The following CTNNA2 variants were observed in gnomAD, a reference collection of about 807,000 sequenced individuals.
The protein encoded by CTNNA2 is catenin alpha 2.
CTNNA2 carries 42 observed loss-of-function variants against 101.0 expected under a neutral mutation model. The observed-to-expected ratio is 0.42, with a 90% CI of 0.32 to 0.54. CTNNA2 has a LOEUF of 0.54. Among genes scored for constraint, CTNNA2 ranks in the 20% least tolerant of loss-of-function variants. The pLI, the probability that CTNNA2 is intolerant of heterozygous loss-of-function variation, is 0.14. For missense variants in CTNNA2, 871 were observed against 1,223.1 expected (o/e 0.71, Z 4.29); for synonymous variants, 450 against 456.4 (o/e 0.99, Z 0.18).
chr2:79,726,690 C>T (rs1686865097), intron 2 of CTNNA2, among the ~76,000 whole-genome samples: 1 of 152,134 alleles, frequency 6.6e-6, no homozygotes, highest in African/African-American at 2.4e-5. Flanking sequence ...ATAATGTACA[C>T]TTTACAGATC....
At position 79,383,026 on chromosome 2, in the gene CTNNA2, C is replaced by T. The variant is rs973722799; in HGVS notation, c.-135+9013C>T. On this transcript the variant is annotated intron_variant, in intron 4 of 21. Transcript: ENST00000466387. ...AGAAGAATAACACATTGAGAGGTTG[C>T]GCTCAACTTCCTAACTGTAATAAGT... Among the ~76,000 whole-genome samples, 8 of 152,286 alleles carry T rather than the reference C, an allele frequency of 5.3e-5. 1 individual carries two copies. Among genetic ancestry groups the T allele is most frequent in the Middle Eastern group, 6.8e-3 (2 of 294 alleles).
chr2:80,121,237 C>T (rs760449478), intron 7 of CTNNA2, among the ~76,000 whole-genome samples: 32 of 152,064 alleles, frequency 2.1e-4, no homozygotes, highest in Non-Finnish European at 3.2e-4. Context: ...ATTTTTACAA[C>T]GTAGATATAG....
At chr2:79,442,150 A>C (rs2104519260) in intron 4 of CTNNA2, among the ~76,000 whole-genome samples, 1 of 152,296 alleles carries the variant, frequency 6.6e-6, no homozygotes, top group South Asian at 2.1e-4. Context: ...GAAAGGAGGA[A>C]ATTTCTTAAT....
chr2:79,599,535 C>G (rs1677416666), intron 1 of CTNNA2, among the ~76,000 whole-genome samples: 1 of 151,958 alleles, frequency 6.6e-6, no homozygotes, highest in Non-Finnish European at 1.5e-5. Context: ...TGAGATTTTT[C>G]CTGCAATAAG....
intron 3 of CTNNA2, among the ~76,000 whole-genome samples, chr2:79,363,897 A>G (rs1677686797): frequency 6.6e-6 from 1 of 152,244 alleles, no homozygotes; most frequent in Non-Finnish European, 1.5e-5. Flanking sequence ...GCAGAGAAGC[A>G]GGTCAAAGAG....
At chr2:80,244,088 T>C (rs1010223169) in intron 7 of CTNNA2, among the ~76,000 whole-genome samples, 1 of 152,140 alleles carries the variant, frequency 6.6e-6, no homozygotes, top group Admixed American at 6.5e-5. Context: ...TGACCTAACA[T>C]GAAGAGAAAC....
At chr2:79,200,484 C>T (rs563578848) in intron 2 of CTNNA2, among the ~76,000 whole-genome samples, 1 of 152,132 alleles carries the variant, frequency 6.6e-6, no homozygotes, top group South Asian at 2.1e-4. Context: ...TTTGGGGTTC[C>T]ATAAGGAAAA....
chr2:80,078,346 G>T (rs555351994), intron 7 of CTNNA2, among the ~76,000 whole-genome samples: 10 of 152,166 alleles, frequency 6.6e-5, no homozygotes, highest in African/African-American at 2.2e-4. Flanking sequence ...ACCAGTGAAG[G>T]TTCCTGGAGG....
At chr2:80,295,686 T>C (rs1182343819) in intron 7 of CTNNA2, among the ~76,000 whole-genome samples, 1 of 152,198 alleles carries the variant, frequency 6.6e-6, no homozygotes, top group Non-Finnish European at 1.5e-5. Flanking sequence ...AGAGACCAAT[T>C]GCAGTAAGAT....
chr2:80,104,176 G>T (rs1400375773), intron 7 of CTNNA2, among the ~76,000 whole-genome samples: 1 of 152,178 alleles, frequency 6.6e-6, no homozygotes, highest in African/African-American at 2.4e-5. Flanking sequence ...GCTAGAATGT[G>T]TTCAAACATG....
intron 15 of CTNNA2, among the ~76,000 whole-genome samples, chr2:80,589,905 T>TGTGTGTGTGTGTGC (rs1491383706): frequency 2.9e-4 from 33 of 114,564 alleles, no homozygotes; most frequent in African/African-American, 1.0e-3. Context: ...TGTGTGTGTG[T>TGTGTGTGTGTGTGC]GCGCGCGCGC....
intron 9 of CTNNA2, among the ~76,000 whole-genome samples, chr2:80,427,135 A>G (rs1169217593): frequency 6.6e-6 from 1 of 152,158 alleles, no homozygotes; most frequent in Non-Finnish European, 1.5e-5. Context: ...GGTGCTTAAA[A>G]GAGAATAAAA....
intron 7 of CTNNA2, among the ~76,000 whole-genome samples, chr2:79,994,080 G>A (rs1043935762): frequency 6.6e-6 from 1 of 151,778 alleles, no homozygotes; most frequent in South Asian, 2.1e-4. Context: ...GCTATTTTGG[G>A]GTTTTTTTAC....
chr2:79,866,343 CAA>C (rs1380187125), intron 4 of CTNNA2, among the ~76,000 whole-genome samples: 6 of 152,162 alleles, frequency 3.9e-5, no homozygotes, highest in Non-Finnish European at 1.5e-5. Flanking sequence ...CGTGGTTTAG[CAA>C]AGAGTTCTGG....
intron 7 of CTNNA2, among the ~76,000 whole-genome samples, chr2:80,000,551 C>T (rs1468561087): frequency 1.3e-5 from 2 of 152,130 alleles, no homozygotes; most frequent in Non-Finnish European, 2.9e-5. Flanking sequence ...TTCATATTGG[C>T]CTTCACTGCC....
intron 2 of CTNNA2, among the ~76,000 whole-genome samples, chr2:79,262,252 C>T (rs1674932326): frequency 6.6e-6 from 1 of 152,128 alleles, no homozygotes; most frequent in Non-Finnish European, 1.5e-5. Context: ...AGGGGAAAGG[C>T]ATGGTTATGC....
intron 1 of CTNNA2, among the ~76,000 whole-genome samples, chr2:79,531,381 A>G (rs62141444): frequency 0.075 from 11,419 of 151,922 alleles, 603 homozygotes; most frequent in Non-Finnish European, 0.11. Flanking sequence ...TGTTGAAAAC[A>G]TAGAGACTTT....
chr2:80,086,571 T>C (rs912242418), intron 7 of CTNNA2, among the ~76,000 whole-genome samples: 15 of 152,030 alleles, frequency 9.9e-5, no homozygotes, highest in African/African-American at 3.6e-4. Flanking sequence ...TTAGGAATCA[T>C]GGAATTGGGC....
chr2:79,638,160 G>T (rs989901688), intron 1 of CTNNA2, among the ~76,000 whole-genome samples: 4 of 152,154 alleles, frequency 2.6e-5, no homozygotes, highest in Non-Finnish European at 5.9e-5. Context: ...AATCATTGTT[G>T]TTTTGAAATG....
Sources: gnomAD v4.1 joint callset for allele counts (sites outside exome capture counted in the v4.1 genomes callset) on GRCh38, gnomAD v4.1.1 for gene constraint, MANE v1.5 for transcripts, NCBI Gene and HGNC (gene_info 2026-07-23, HGNC 2026-07-21) for gene names.